REM2: variants seen among roughly 807,000 people sequenced by gnomAD.
REM2 encodes RRAD and GEM like GTPase 2, also known as GTP-binding protein REM 2.
Under a neutral mutation model 24.4 loss-of-function variants are expected in REM2, and 24 were observed. The ratio of observed to expected loss-of-function variants is 0.98; its 90% CI spans 0.71 to 1.38. The LOEUF is 1.38. REM2 is among the 40% of genes most tolerant of loss of function. The pLI, the probability that REM2 is intolerant of heterozygous loss-of-function variation, is 0.00. For synonymous variants in REM2, 187 were observed against 198.0 expected, an observed-to-expected ratio of 0.94 and a Z score of 0.47; for missense variants, 429 against 467.8, an observed-to-expected ratio of 0.92 and a Z score of 0.77.
At position 22,886,657 on chromosome 14, in the gene REM2, G is replaced by A; in HGVS notation, c.771G>A (p.Glu257=). 1 of 1,462,466 alleles carries A rather than the reference G, an allele frequency of 6.8e-7. No homozygotes were observed. The highest frequency in any genetic ancestry group is 9.0e-7 in the Non-Finnish European group (1 of 1,106,802). 90.6% of individuals were successfully genotyped at this position (1,462,466 alleles called of 1,614,324 possible). A position where few individuals can be genotyped will look rare whatever the true frequency, so the allele number is the denominator to read the frequency against. The stretch of plus-strand genomic sequence containing the variant: ...GGACGCTGAGCTGCAAGCACATCGA[G>A]ACGTCGGCCGCACTGCACCACAACA... ...LAGTLSCKHI[E]TSAALHHNTR... Residue 257 remains glutamate, a synonymous_variant, in exon 5 of 5, where the codon GAG becomes GAA. Coordinates refer to ENST00000267396, the MANE Select transcript of REM2 (RefSeq NM_173527.3). The surrounding 1 kb of genome is among the most constrained non-coding windows in gnomAD (Gnocchi z 5.9).
chr14:22,886,032 A>G lies in REM2; in HGVS notation c.528A>G (p.Ala176=). 6.2e-7 allele frequency: 1 copy of G among 1,613,692 alleles called. No homozygotes were observed. Among genetic ancestry groups the G allele is most frequent in the East Asian group, 2.2e-5 (1 of 44,876 alleles). The change falls in exon 4 of 5, where the codon GCA becomes GCG. Residue 176 remains alanine, a synonymous_variant. Transcript: ENST00000267396. This position sits in a 1 kb window ranked among gnomAD's most constrained non-coding sequence, Gnocchi z 5.9. ...CCTCTGCCTGTCTGCAGGGGGATGC[A>G]GGAGGGTGGCTGCGGGACCACTGCC... is the stretch of plus-strand genomic sequence containing the variant. ...VVYDIWEQGD[A]GGWLRDHCLQ...
chr14:22,886,941 T>C lies in REM2; in HGVS notation c.*32T>C, dbSNP rs756094836. The C allele has an allele frequency of 9.0e-5, 123 of 1,360,640 alleles. No individual in the cohort carries two copies. The highest frequency in any genetic ancestry group is 1.1e-4 in the Non-Finnish European group (115 of 1,048,294). 84.3% of individuals were successfully genotyped at this position (1,360,640 alleles called of 1,614,324 possible). On this transcript the variant is annotated 3_prime_UTR_variant, in exon 5 of 5. Transcript: ENST00000267396. This position sits in a 1 kb window ranked among gnomAD's most constrained non-coding sequence, Gnocchi z 5.9. Reference sequence around the variant, plus strand: ...GTCGCCATGGCCACTGCGGTCGCCATGGTCACCGCGCCCTCCGCTCGCCCC... The same window carrying C: ...GTCGCCATGGCCACTGCGGTCGCCACGGTCACCGCGCCCTCCGCTCGCCCC...
rs776481994 is a variant in REM2 at position 22,885,355 on chromosome 14, T to A, written c.519+16T>A. 2 of 1,599,234 alleles carry A rather than the reference T, an allele frequency of 1.3e-6. No individual in the cohort carries two copies. The highest frequency in any genetic ancestry group is 4.5e-5 in the East Asian group (2 of 44,828). On this transcript the variant is annotated intron_variant, in intron 3 of 4. Coordinates refer to ENST00000267396, the MANE Select transcript of REM2 (RefSeq NM_173527.3). The stretch of plus-strand genomic sequence containing the variant: ...CTGGGAACAGGTGAGAACTAAGATG[T>A]GGCTGCAGGCAGGTGATGAAGCTGG...
chr14:22,887,057 G>A lies in REM2; in HGVS notation c.*148G>A. 3.1e-5 allele frequency: 19 copies of A among 618,988 alleles called. No individual in the cohort carries two copies. Among genetic ancestry groups the A allele is most frequent in the Non-Finnish European group, 4.8e-5 (19 of 399,674 alleles). 38.3% of individuals were successfully genotyped at this position (618,988 alleles called of 1,614,324 possible). A position where few individuals can be genotyped will look rare whatever the true frequency, so the allele number is the denominator to read the frequency against. On this transcript the variant is annotated 3_prime_UTR_variant, in exon 5 of 5. Transcript: ENST00000267396. ...CAGGATGCCCCGGTGTGACCGCCGG[G>A]GGCGGCCCGGGGCCGCTCGGCGGCA...
intron 3 of REM2, 65 bp from the exon 4 acceptor site, chr14:22,885,959 G>A: frequency 7.4e-7 from 1 of 1,348,550 alleles, no homozygotes; most frequent in African/African-American, 1.4e-5. Context: ...CCTCCTCTTT[G>A]AGGTGTAGGT....
At position 22,883,225 on chromosome 14, in the gene REM2, T is replaced by C; in HGVS notation, c.-63T>C. ...GGGAAAAGCTGACAGTGCTGCTGAG[T>C]GAGGGAGAGGGTGCTGCGAGCTGCT... On this transcript the variant is annotated 5_prime_UTR_variant, in exon 1 of 5. Coordinates refer to ENST00000267396, the MANE Select transcript of REM2 (RefSeq NM_173527.3). 1 of 762,728 alleles carries C rather than the reference T, an allele frequency of 1.3e-6. No individual in the cohort carries two copies. Among genetic ancestry groups the C allele is most frequent in the Non-Finnish European group, 2.2e-6 (1 of 455,850 alleles). 47.2% of individuals were successfully genotyped at this position (762,728 alleles called of 1,614,324 possible). A position where few individuals can be genotyped will look rare whatever the true frequency, so the allele number is the denominator to read the frequency against.
chr14:22,884,494 C>T (rs932775405), intron 1 of REM2, 180 bp from the exon 2 acceptor site: 1 of 985,322 alleles, frequency 1.0e-6, no homozygotes, highest in African/African-American at 1.7e-5. Flanking sequence ...CCAGTTCAGG[C>T]TTCTGGAGAC....
At chr14:22,884,053 A>AAGC (rs143505644) in intron 1 of REM2, 1 of 985,002 alleles carries the variant, frequency 1.0e-6, no homozygotes, top group African/African-American at 1.7e-5. Flanking sequence ...GGGCCACGGG[A>AAGC]AGCAGCAGCC....
chr14:22,886,102 C>G lies in REM2; in HGVS notation c.598C>G (p.Arg200Gly), dbSNP rs145460263. Residue 200 changes from arginine to glycine, a missense_variant, in exon 4 of 5, where the codon CGA (arginine) becomes GGA (glycine). Transcript: ENST00000267396. This position sits in a 1 kb window ranked among gnomAD's most constrained non-coding sequence, Gnocchi z 5.9. ...TCTCATCGTCTTCTCAGTCACCGAC[C>G]GACGGAGTTTCTCCAAAGTTCCAGA... is the stretch of plus-strand genomic sequence containing the variant. ...AFLIVFSVTD[R>G]RSFSKVPETL... 2 of 1,613,848 alleles carry G rather than the reference C, an allele frequency of 1.2e-6. No individual in the cohort carries two copies. Among genetic ancestry groups the G allele is most frequent in the Non-Finnish European group, 1.7e-6 (2 of 1,179,886 alleles).
rs770492407 is a variant in REM2, at chr14:22,887,195, G to T, written c.*286G>T. 1.4e-5 allele frequency: 5 copies of T among 366,218 alleles called. No homozygotes were observed. The highest frequency in any genetic ancestry group is 2.4e-5 in the Non-Finnish European group (5 of 205,520). 22.7% of individuals were successfully genotyped at this position (366,218 alleles called of 1,614,324 possible). On this transcript the variant is annotated 3_prime_UTR_variant, in exon 5 of 5. Coordinates refer to ENST00000267396, the MANE Select transcript of REM2 (RefSeq NM_173527.3). ...AGCGGGGCGGGTTCTGCTGGGTCGGGAAGAAAAATAATTCTGCAAGGTATT... is the reference window on the plus strand; with the variant it reads ...AGCGGGGCGGGTTCTGCTGGGTCGGTAAGAAAAATAATTCTGCAAGGTATT...
At position 22,887,014 on chromosome 14, in the gene REM2, T is replaced by G. The variant is rs1343549815; in HGVS notation, c.*105T>G. 13 of 1,101,158 alleles carry G rather than the reference T, an allele frequency of 1.2e-5. No individual in the cohort carries two copies. In the South Asian group the frequency reaches 2.5e-4, roughly 21 times the overall value. 68.2% of individuals were successfully genotyped at this position (1,101,158 alleles called of 1,614,324 possible). A position where few individuals can be genotyped will look rare whatever the true frequency, so the allele number is the denominator to read the frequency against. The stretch of plus-strand genomic sequence containing the variant: ...TCCGGCTTCCTTGGTGGAGGCCGTC[T>G]AGGAAACCAAAAACTCCCAGGATGC... On this transcript the variant is annotated 3_prime_UTR_variant, in exon 5 of 5. Transcript: ENST00000267396.
chr14:22,884,284 T>G, intron 1 of REM2: 1 of 985,410 alleles, frequency 1.0e-6, no homozygotes. Context: ...GAAGGGCCTC[T>G]TGATGGAAAA....
Position 22,886,200 on chromosome 14 carries a change from C to G in REM2, c.696C>G (p.Asp232Glu). 6.2e-7 allele frequency: 1 copy of G among 1,613,790 alleles called. No individual in the cohort carries two copies. The highest frequency in any genetic ancestry group is 8.5e-7 in the Non-Finnish European group (1 of 1,179,816). ...LPVILVGNKS[D>E]LARSREVSLE... Reference sequence around the variant, plus strand: ...TTATCCTCGTTGGAAACAAGAGCGACTTGGCCCGCTCCCGGGAGGTATCAC... The same window carrying G: ...TTATCCTCGTTGGAAACAAGAGCGAGTTGGCCCGCTCCCGGGAGGTATCAC... Residue 232 changes from aspartate to glutamate, a missense_variant, in exon 4 of 5, where the codon GAC (aspartate) becomes GAG (glutamate). Transcript: ENST00000267396. The surrounding 1 kb of genome is among the most constrained non-coding windows in gnomAD (Gnocchi z 5.9).
At position 22,885,250 on chromosome 14, in the gene REM2, C is replaced by T. The variant is rs775036316; in HGVS notation, c.446-16C>T. The T allele has an allele frequency of 6.2e-7, 1 of 1,608,422 alleles. No homozygotes were observed. The highest frequency in any genetic ancestry group is 1.7e-5 in the Admixed American group (1 of 59,972). On this transcript the variant is annotated splice_polypyrimidine_tract_variant and intron_variant, in intron 2 of 4. Coordinates refer to ENST00000267396, the MANE Select transcript of REM2 (RefSeq NM_173527.3). Reference sequence around the variant, plus strand: ...CCTCCTAATGGACTTTATACCCTCTCCCTATTTCCCAGCAGAGGATACCTA... The same window carrying T: ...CCTCCTAATGGACTTTATACCCTCTTCCTATTTCCCAGCAGAGGATACCTA...
chr14:22,884,955 AC>A lies in REM2; in HGVS notation c.388del (p.Leu130Ter). On this transcript the variant is annotated frameshift_variant, in exon 2 of 5. Transcript: ENST00000267396. LOFTEE classifies it high-confidence loss of function. The part of the protein sequence containing the change: ...LVGESGVGKS[T>X]LAGTFGGLQG... ...GGGGGAGAGCGGCGTGGGCAAGAGC[AC>A]CCTAGCAGGCACTTTTGGTGGTCTC... is the stretch of plus-strand genomic sequence containing the variant. The A allele has an allele frequency of 6.3e-7, 1 of 1,580,992 alleles. No homozygotes were observed. The highest frequency in any genetic ancestry group is 8.6e-7 in the Non-Finnish European group (1 of 1,160,856).
rs915188793 is a variant in REM2 at position 22,884,985 on chromosome 14, G to A, written c.415G>A (p.Gly139Arg). 4 of 1,552,320 alleles carry A rather than the reference G, an allele frequency of 2.6e-6. No homozygotes were observed. The highest frequency in any genetic ancestry group is 3.5e-6 in the Non-Finnish European group (4 of 1,147,434). Residue 139 changes from glycine to arginine, a missense_variant, in exon 2 of 5, where the codon GGA becomes AGA. Transcript: ENST00000267396. Reference protein sequence around the residue: ...TLAGTFGGLQGDSAHEPENPE... With the variant: ...TLAGTFGGLQRDSAHEPENPE... ...AGCAGGCACTTTTGGTGGTCTCCAG[G>A]GAGACAGTGCTCACGAACCGGAGAA...
intron 1 of REM2, among the ~76,000 whole-genome samples, chr14:22,883,714 C>G (rs989212323): frequency 6.6e-6 from 1 of 152,090 alleles, no homozygotes; most frequent in Non-Finnish European, 1.5e-5. Flanking sequence ...GCCCACAAGC[C>G]TGGGAATCAC....
rs2040098391 is a variant in REM2, at chr14:22,884,224, T to A, written c.104-450T>A. ...ACTGGGCAGCAGTTTCAGCTTGTCA[T>A]CCTCTCTGCTCCTCAGTTTGGGGAT... On this transcript the variant is annotated intron_variant, in intron 1 of 4. Coordinates refer to ENST00000267396, the MANE Select transcript of REM2 (RefSeq NM_173527.3). 5.1e-6 allele frequency: 5 copies of A among 985,276 alleles called. No individual in the cohort carries two copies. In the Admixed American group the frequency reaches 3.1e-4, roughly 61 times the overall value. 61.0% of individuals were successfully genotyped at this position (985,276 alleles called of 1,614,324 possible).
chr14:22,885,379 G>A, intron 3 of REM2, 40 bp downstream of exon 3: 1 of 1,506,636 alleles, frequency 6.6e-7, no homozygotes, highest in East Asian at 2.3e-5. Context: ...TGATGAAGCT[G>A]GGAGAACTGG....
Sources: allele counts gnomAD v4.1 joint callset (sites outside exome capture counted in the v4.1 genomes callset), GRCh38; gene constraint gnomAD v4.1.1; non-coding constraint Gnocchi (gnomAD v3.1); transcripts MANE v1.5; gene names NCBI Gene and HGNC (gene_info 2026-07-23, HGNC 2026-07-21).